Variants in DPM1 observed in about 807,000 individuals in gnomAD.
DPM1 encodes dolichyl-phosphate mannosyltransferase subunit 1, catalytic.
A neutral mutation model predicts 39.0 loss-of-function variants in DPM1; 27 were observed. The ratio of observed to expected loss-of-function variants is 0.69; its 90% CI spans 0.51 to 0.95. The LOEUF (loss-of-function observed/expected upper bound fraction) is 0.95, where lower values mean the gene tolerates loss of function less well. Among genes scored for constraint, DPM1 ranks in the 40% least tolerant of loss-of-function variants. The pLI, the probability that DPM1 is intolerant of heterozygous loss-of-function variation, is 0.00. For synonymous variants in DPM1, 124 were observed against 109.0 expected, an observed-to-expected ratio of 1.14 and a Z score of -0.86; for missense variants, 307 against 315.6, an observed-to-expected ratio of 0.97 and a Z score of 0.21.
At chr20:50,938,309 C>A (rs188528947) in intron 7 of DPM1, among the ~76,000 whole-genome samples, 1 of 151,810 alleles carries the variant, frequency 6.6e-6, no homozygotes, top group African/African-American at 2.4e-5. Flanking sequence ...CTTTGTCTAG[C>A]GACAAATGAA....
intron 2 of DPM1, among the ~76,000 whole-genome samples, chr20:50,950,454 T>C (rs1986516373): frequency 6.6e-6 from 1 of 152,206 alleles, no homozygotes; most frequent in Non-Finnish European, 1.5e-5. Context: ...TTTGATTTTG[T>C]GAATAATTTC....
At chr20:50,948,596 C>T (rs749795581) in intron 3 of DPM1, 33 bp downstream of exon 3, 1 of 1,607,734 alleles carries the variant, frequency 6.2e-7, no homozygotes, top group Non-Finnish European at 8.5e-7. Flanking sequence ...AAGCAAGCAG[C>T]AGGTGTGAGG....
intron 2 of DPM1, among the ~76,000 whole-genome samples, chr20:50,948,989 T>C (rs1412622415): frequency 2.0e-5 from 3 of 151,944 alleles, no homozygotes; most frequent in African/African-American, 7.3e-5. Context: ...GCCTCCAGAG[T>C]AGCTGGGATT....
At chr20:50,941,227 A>AATATATAT (rs58694792) in intron 6 of DPM1, 1,714 of 61,014 alleles carry the variant, frequency 0.028, 40 homozygotes, top group African/African-American at 0.038. Context: ...AAAAAAAGTG[A>AATATATAT]ATATATATAT....
chr20:50,949,376 A>G (rs1481343502), intron 2 of DPM1, among the ~76,000 whole-genome samples: 1 of 152,114 alleles, frequency 6.6e-6, no homozygotes, highest in Admixed American at 6.5e-5. Flanking sequence ...TGGGTTTTGA[A>G]TACTAATATC....
intron 3 of DPM1, among the ~76,000 whole-genome samples, chr20:50,947,489 G>A (rs1290845930): frequency 6.6e-6 from 1 of 152,166 alleles, no homozygotes; most frequent in South Asian, 2.1e-4. Context: ...GGGAATTGAT[G>A]GTCTTCAAGA....
intron 6 of DPM1, among the ~76,000 whole-genome samples, chr20:50,941,386 A>ATAT (rs1491530501): frequency 6.9e-6 from 1 of 144,938 alleles, no homozygotes; most frequent in African/African-American, 2.5e-5. Flanking sequence ...ATATATATTC[A>ATAT]TATATATATT....
chr20:50,956,426 AC>A (rs1234595730), intron 1 of DPM1, among the ~76,000 whole-genome samples: 2 of 151,772 alleles, frequency 1.3e-5, no homozygotes, highest in East Asian at 3.9e-4. Flanking sequence ...ACACAGTGAA[AC>A]CCCGTCTCTA....
At position 50,957,244 on chromosome 20, in the gene DPM1, T is replaced by C. The variant is rs188545430; in HGVS notation, c.161+1119A>G. ...AATGAGTACTTCCAACAATGTTAAG[T>C]CTAATGCTCAGGCGGGCTGGTTGAT... On this transcript the variant is annotated intron_variant, in intron 1 of 8. Coordinates refer to ENST00000371588, the MANE Select transcript of DPM1 (RefSeq NM_003859.3). Among the ~76,000 whole-genome samples the C allele has an allele frequency of 1.7e-3, 261 of 152,340 alleles. 1 individual carries two copies. The Middle Eastern group carries it at 0.041, about 24-fold the overall frequency.
chr20:50,940,688 A>C (rs1985649746), intron 7 of DPM1, among the ~76,000 whole-genome samples, 177 bp downstream of exon 7: 1 of 152,262 alleles, frequency 6.6e-6, no homozygotes, highest in African/African-American at 2.4e-5. Flanking sequence ...AAGGAAAAGC[A>C]CAATATGTCT....
chr20:50,958,223 G>T, intron 1 of DPM1, 140 bp downstream of exon 1: 2 of 1,079,560 alleles, frequency 1.9e-6, no homozygotes, highest in Non-Finnish European at 2.7e-6. Flanking sequence ...TGCTTCCCTC[G>T]CAGGGTGGCC....
At position 50,940,951 on chromosome 20, in the gene DPM1, C is replaced by G. The variant is rs371374233; in HGVS notation, c.495-18G>C. 4.1e-5 allele frequency: 66 copies of G among 1,612,400 alleles called. 1 individual carries two copies. Among genetic ancestry groups the G allele is most frequent in the Non-Finnish European group, 5.3e-5 (63 of 1,178,764 alleles). On this transcript the variant is annotated intron_variant, in intron 6 of 8. Coordinates refer to ENST00000371588, the MANE Select transcript of DPM1 (RefSeq NM_003859.3). ...CCCCACGGCTGCCAAATAAAACAATCAGATCTTCTTTACAAAATACAATTT... is the reference window on the plus strand; with the variant it reads ...CCCCACGGCTGCCAAATAAAACAATGAGATCTTCTTTACAAAATACAATTT...
intron 5 of DPM1, 48 bp downstream of exon 5, chr20:50,945,689 T>C (rs1986239617): frequency 6.9e-7 from 1 of 1,459,162 alleles, no homozygotes; most frequent in East Asian, 2.3e-5. Context: ...ACCAGTAAGA[T>C]AAATGTTTCC....
At chr20:50,950,327 T>C (rs1986511601) in intron 2 of DPM1, among the ~76,000 whole-genome samples, 1 of 152,318 alleles carries the variant, frequency 6.6e-6, no homozygotes, top group African/African-American at 2.4e-5. Context: ...ATGGATAAAA[T>C]ACACTGCTGT....
At position 50,957,020 on chromosome 20, in the gene DPM1, A is replaced by C. The variant is rs1986861251; in HGVS notation, c.161+1343T>G. ...TACTACATAAAAAAATTAAAACAGC[A>C]AAAAAAAAAATTGCAAAATTAGAAT... On this transcript the variant is annotated intron_variant, in intron 1 of 8. Transcript: ENST00000371588. 3.4e-5 allele frequency among the ~76,000 whole-genome samples: 5 copies of C among 148,028 alleles called. No homozygotes were observed. The South Asian group carries it at 8.9e-4, about 26-fold the overall frequency.
chr20:50,955,904 C>T (rs369914045), intron 1 of DPM1, among the ~76,000 whole-genome samples: 1 of 152,254 alleles, frequency 6.6e-6, no homozygotes, highest in East Asian at 1.9e-4. Context: ...TATTCTGAAC[C>T]TTAATAGCAA....
chr20:50,935,106 C>T lies in DPM1; in HGVS notation c.*26G>A, dbSNP rs541636297. ...TCTTTCATGTTTAACCTGAAATGAA[C>T]GTAACTATAAATGAGTATCTTTCTT... On this transcript the variant is annotated 3_prime_UTR_variant, in exon 9 of 9. Coordinates refer to ENST00000371588, the MANE Select transcript of DPM1 (RefSeq NM_003859.3). The T allele has an allele frequency of 3.5e-5, 45 of 1,302,082 alleles. No homozygotes were observed. Among genetic ancestry groups the T allele is most frequent in the Middle Eastern group, 2.4e-4 (1 of 4,096 alleles). 80.7% of individuals were successfully genotyped at this position (1,302,082 alleles called of 1,614,324 possible).
At chr20:50,952,981 G>A (rs991784777) in intron 2 of DPM1, among the ~76,000 whole-genome samples, 3 of 152,170 alleles carry the variant, frequency 2.0e-5, no homozygotes, top group African/African-American at 7.2e-5. Context: ...GGGTAACTAC[G>A]TGAGGTGATG....
At position 50,941,227 on chromosome 20, in the gene DPM1, AATATATATAT is replaced by A. The variant is rs58694792; in HGVS notation, c.495-304_495-295del. On this transcript the variant is annotated intron_variant, in intron 6 of 8. Transcript: ENST00000371588. ...CTCCATCACTACAAAAAAAAAAGTGAATATATATATATATATATATATATATATATATATA... is the reference window on the plus strand; with the variant it reads ...CTCCATCACTACAAAAAAAAAAGTGAATATATATATATATATATATATATA... 131 of 61,184 alleles carry A rather than the reference AATATATATAT, an allele frequency of 2.1e-3. 3 individuals are homozygous for A. Among genetic ancestry groups the A allele is most frequent in the Middle Eastern group, 0.011 (1 of 92 alleles). The allele number at this position is 61,184 out of a possible 1,614,324, so 3.8% of individuals were successfully genotyped here.
Sources: allele counts gnomAD v4.1 joint callset (sites outside exome capture counted in the v4.1 genomes callset), GRCh38; gene constraint gnomAD v4.1.1; transcripts MANE v1.5; gene names NCBI Gene and HGNC (gene_info 2026-07-23, HGNC 2026-07-21).